The following IMPG2 variants were observed in gnomAD, a reference collection of about 807,000 sequenced individuals.
IMPG2 encodes interphotoreceptor matrix proteoglycan 2, also known as IPM 200.
IMPG2 carries 91 observed loss-of-function variants against 129.2 expected under a neutral mutation model. The observed-to-expected ratio is 0.70, with a 90% CI of 0.59 to 0.84. The LOEUF (loss-of-function observed/expected upper bound fraction) is 0.84. Ranked by LOEUF, IMPG2 falls within the 40% of genes least tolerant of loss-of-function variation. The probability of loss-of-function intolerance (pLI) is 0.00; values close to 1 mark genes in which losing one functional copy is unlikely to be tolerated. For synonymous variants in IMPG2, 510 were observed against 517.7 expected, an observed-to-expected ratio of 0.99 and a Z score of 0.20; for missense variants, 1,430 against 1,461.7, an observed-to-expected ratio of 0.98 and a Z score of 0.35.
chr3:101,245,583 A>C (rs1706467238), intron 12 of IMPG2, among the ~76,000 whole-genome samples: 1 of 151,962 alleles, frequency 6.6e-6, no homozygotes, highest in Non-Finnish European at 1.5e-5. Flanking sequence ...ATTGATCCCC[A>C]CCCCAGCTCC....
At chr3:101,241,240 A>T (rs1706403304) in intron 14 of IMPG2, among the ~76,000 whole-genome samples, 1 of 152,222 alleles carries the variant, frequency 6.6e-6, no homozygotes, top group African/African-American at 2.4e-5. Context: ...GTAATATAAA[A>T]ACTGACAGGA....
intron 14 of IMPG2, among the ~76,000 whole-genome samples, chr3:101,241,103 T>C (rs1706402040): frequency 6.6e-6 from 1 of 152,198 alleles, no homozygotes. Flanking sequence ...AAGTATTTAA[T>C]AAAACAAACA....
rs539514076 is a variant in IMPG2 at position 101,235,312 on chromosome 3, T to A, written c.3023-2321A>T. Among the ~76,000 whole-genome samples the A allele has an allele frequency of 3.9e-5, 6 of 152,322 alleles. No homozygotes were observed. In the East Asian group the frequency reaches 1.2e-3, roughly 29 times the overall value. On this transcript the variant is annotated intron_variant, in intron 14 of 18. Transcript: ENST00000193391. ...CTGCAACCCATCCCATGAGGCCAAG[T>A]GAAGAAATTTACCCTTGTAGCATCA... is the stretch of plus-strand genomic sequence containing the variant.
intron 4 of IMPG2, among the ~76,000 whole-genome samples, chr3:101,277,824 C>T (rs1276494130): frequency 1.3e-5 from 2 of 152,238 alleles, no homozygotes; most frequent in Non-Finnish European, 2.9e-5. Flanking sequence ...AATCTGGGAA[C>T]ATTTTAGAAT....
Position 101,303,164 on chromosome 3 carries a change from T to A in IMPG2, c.501+982A>T, listed in dbSNP as rs148853979. On this transcript the variant is annotated intron_variant, in intron 3 of 18. Coordinates refer to ENST00000193391, the MANE Select transcript of IMPG2 (RefSeq NM_016247.4). ...AGTACTTAAAATAATCTTCATAAAGTTTATAAATTGTACCAAGTAAAAAAA... is the reference window on the plus strand; with the variant it reads ...AGTACTTAAAATAATCTTCATAAAGATTATAAATTGTACCAAGTAAAAAAA... 3.6e-3 allele frequency among the ~76,000 whole-genome samples: 552 copies of A among 152,288 alleles called. 1 individual carries two copies. Among genetic ancestry groups the A allele is most frequent in the African/African-American group, 0.012 (487 of 41,560 alleles).
At chr3:101,280,620 C>A (rs1448138473) in intron 4 of IMPG2, among the ~76,000 whole-genome samples, 1 of 152,078 alleles carries the variant, frequency 6.6e-6, no homozygotes, top group Non-Finnish European at 1.5e-5. Context: ...TGACATATAT[C>A]ATCCCAAACA....
At chr3:101,287,124 C>T (rs1469952391) in intron 4 of IMPG2, among the ~76,000 whole-genome samples, 2 of 152,098 alleles carry the variant, frequency 1.3e-5, no homozygotes, top group African/African-American at 4.8e-5. Context: ...GTGTTACTGT[C>T]AGGGTATAGT....
chr3:101,256,199 AAGAAAGAAAGAAAG>A (rs1706604597), intron 10 of IMPG2, among the ~76,000 whole-genome samples: 1 of 151,246 alleles, frequency 6.6e-6, no homozygotes, highest in Non-Finnish European at 1.5e-5. Context: ...GAAAGAAAGA[AAGAAAGAAAGAAAG>A]AAAGAAAAAA....
rs1303025135 is a variant in IMPG2 at position 101,223,769 on chromosome 3, T to C, written c.*3200A>G. 1.3e-5 allele frequency: 2 copies of C among 152,130 alleles called. No homozygotes were observed. Among genetic ancestry groups the C allele is most frequent in the African/African-American group, 4.8e-5 (2 of 41,428 alleles). The allele number at this position is 152,130 out of a possible 1,614,324, so 9.4% of individuals were successfully genotyped here. A position where few individuals can be genotyped will look rare whatever the true frequency, so the allele number is the denominator to read the frequency against. On this transcript the variant is annotated 3_prime_UTR_variant, in exon 19 of 19. Transcript: ENST00000193391. ...GAGAAAGTGGGGAGGAGCCAACCCA[T>C]GGTGACAGATAATGCAGAAGAAGAA...
At chr3:101,269,004 G>A (rs1462665804) in intron 8 of IMPG2, among the ~76,000 whole-genome samples, 1 of 152,180 alleles carries the variant, frequency 6.6e-6, no homozygotes, top group African/African-American at 2.4e-5. Context: ...ACTCAGTAAA[G>A]TATTCATTCA....
intron 2 of IMPG2, among the ~76,000 whole-genome samples, chr3:101,311,179 TA>T (rs34222157): frequency 6.2e-4 from 88 of 142,786 alleles, no homozygotes; most frequent in African/African-American, 7.5e-4. Context: ...TACAACTAGG[TA>T]AAAAAAAAAA....
chr3:101,259,876 A>G (rs1286595345), intron 9 of IMPG2, among the ~76,000 whole-genome samples: 1 of 152,032 alleles, frequency 6.6e-6, no homozygotes, highest in Non-Finnish European at 1.5e-5. Context: ...GAAACTTTTG[A>G]TTATAACTCC....
At chr3:101,281,774 A>C (rs1439077862) in intron 4 of IMPG2, among the ~76,000 whole-genome samples, 1 of 152,194 alleles carries the variant, frequency 6.6e-6, no homozygotes, top group African/African-American at 2.4e-5. Context: ...GAGACAGAAG[A>C]AAGTCAGAGT....
chr3:101,244,188 A>G lies in IMPG2; in HGVS notation c.2143T>C (p.Tyr715His), dbSNP rs1706445401. 1 of 1,613,928 alleles carries G rather than the reference A, an allele frequency of 6.2e-7. No individual in the cohort carries two copies. The highest frequency in any genetic ancestry group is 1.7e-5 in the Admixed American group (1 of 59,978). The change falls in exon 13 of 19, where the codon TAC becomes CAC. Residue 715 changes from tyrosine (Y) to histidine (H), a missense_variant. Physicochemically the swap from Tyr to His is moderately conservative, Grantham distance 83 (BLOSUM62 2). Transcript: ENST00000193391. ...HISEVPGVDD[Y>H]SVTKAPLILT... ...ATAAGAGGTGCTTTGGTAACTGAGTAATCATCAACACCAGGTACTTCTGAT... is the reference window on the plus strand; with the variant it reads ...ATAAGAGGTGCTTTGGTAACTGAGTGATCATCAACACCAGGTACTTCTGAT...
chr3:101,276,189 G>C (rs1576760362), intron 5 of IMPG2, among the ~76,000 whole-genome samples: 1 of 152,148 alleles, frequency 6.6e-6, no homozygotes, highest in South Asian at 2.1e-4. Flanking sequence ...ACACAGAGAA[G>C]TTTGTGGGGT....
chr3:101,266,096 C>T (rs1706718192), intron 9 of IMPG2, among the ~76,000 whole-genome samples: 1 of 152,130 alleles, frequency 6.6e-6, no homozygotes, highest in South Asian at 2.1e-4. Context: ...TTACATACTT[C>T]TGGTGGGAAT....
At chr3:101,318,475 A>C (rs975329352) in intron 2 of IMPG2, among the ~76,000 whole-genome samples, 2 of 152,094 alleles carry the variant, frequency 1.3e-5, no homozygotes, top group African/African-American at 2.4e-5. Context: ...AAAAATATCA[A>C]ATATATAAAT....
intron 13 of IMPG2, 98 bp downstream of exon 13, chr3:101,243,431 C>G: frequency 9.4e-7 from 1 of 1,060,724 alleles, no homozygotes; most frequent in Non-Finnish European, 1.4e-6. Context: ...CACAGCAGAT[C>G]ACACTTTCCC....
At chr3:101,271,538 A>G (rs1706783031) in intron 7 of IMPG2, among the ~76,000 whole-genome samples, 1 of 152,190 alleles carries the variant, frequency 6.6e-6, no homozygotes, top group South Asian at 2.1e-4. Flanking sequence ...TTCCTGTTTT[A>G]TGGATGAGAA....
Sources: gnomAD v4.1 joint callset for allele counts (sites outside exome capture counted in the v4.1 genomes callset) on GRCh38, gnomAD v4.1.1 for gene constraint, MANE v1.5 for transcripts, NCBI Gene and HGNC (gene_info 2026-07-23, HGNC 2026-07-21) for gene names.